The following MYO9B variants were observed in gnomAD, a reference collection of about 807,000 sequenced individuals.
The protein encoded by MYO9B is unconventional myosin-IXb.
Under a neutral mutation model 229.5 loss-of-function variants are expected in MYO9B, and 71 were observed. The ratio of observed to expected loss-of-function variants is 0.31; its 90% CI spans 0.26 to 0.38. The LOEUF (loss-of-function observed/expected upper bound fraction) is 0.38. Ranked by LOEUF, MYO9B falls within the 10% of genes least tolerant of loss-of-function variation. The pLI, the probability that MYO9B is intolerant of heterozygous loss-of-function variation, is 1.00. For missense variants in MYO9B, 2,255 were observed against 2,920.5 expected, an observed-to-expected ratio of 0.77 and a Z score of 5.25; for synonymous variants, 1,185 against 1,235.8, an observed-to-expected ratio of 0.96 and a Z score of 0.86.
Position 17,202,828 on chromosome 19 carries a change from T to C in MYO9B, c.4837-14T>C. The C allele has an allele frequency of 1.3e-6, 2 of 1,586,302 alleles. No homozygotes were observed. Among genetic ancestry groups the C allele is most frequent in the South Asian group, 2.3e-5 (2 of 86,960 alleles). On this transcript the variant is annotated splice_polypyrimidine_tract_variant and intron_variant, in intron 28 of 39. Coordinates refer to ENST00000682292, the MANE Select transcript of MYO9B (RefSeq NM_004145.4). ...GGGGGGCCCCCGCCAACCTCCTCCTTGTGTTCCTCACAGCAGAGCAAAGCT... is the reference window on the plus strand; with the variant it reads ...GGGGGGCCCCCGCCAACCTCCTCCTCGTGTTCCTCACAGCAGAGCAAAGCT...
rs1389080179 is a variant in MYO9B at position 17,200,759 on chromosome 19, G to A, written c.4493G>A (p.Arg1498Gln). Reference protein sequence around the residue: ...IGKITVSEKWRESVFRQITNA... With the variant: ...IGKITVSEKWQESVFRQITNA... ...AAGATCACAGTGTCAGAGAAGTGGC[G>A]GGAATCGGTGTTCCGCCAGATCACC... Residue 1498 changes from arginine to glutamine, a missense_variant, in exon 26 of 40, where the codon CGG becomes CAG. Coordinates refer to ENST00000682292, the MANE Select transcript of MYO9B (RefSeq NM_004145.4). 1.9e-6 allele frequency: 3 copies of A among 1,614,028 alleles called. No homozygotes were observed. The highest frequency in any genetic ancestry group is 2.5e-6 in the Non-Finnish European group (3 of 1,179,890).
Position 17,190,151 on chromosome 19 carries a change from A to G in MYO9B, c.2689-946A>G, listed in dbSNP as rs148976501. On this transcript the variant is annotated intron_variant, in intron 19 of 39. Coordinates refer to ENST00000682292, the MANE Select transcript of MYO9B (RefSeq NM_004145.4). ...CCTAGCACTTTGGGTCACGTGACCC[A>G]TTTACCACTGCACCCAGCTGAGAAC... is the stretch of plus-strand genomic sequence containing the variant. Among the ~76,000 whole-genome samples, 344 of 151,116 alleles carry G rather than the reference A, an allele frequency of 2.3e-3. 1 individual carries two copies. Among genetic ancestry groups the G allele is most frequent in the Non-Finnish European group, 4.0e-3 (273 of 67,880 alleles).
Position 17,203,297 on chromosome 19 carries a change from TC to T in MYO9B, c.4990+44del, listed in dbSNP as rs200101038. Reference sequence around the variant, plus strand: ...CCACCAGGCCCCAAAACCCTCCATGTCCCCCACCACCCCTCACTGCTCAAGA... The same window carrying T: ...CCACCAGGCCCCAAAACCCTCCATGTCCCCACCACCCCTCACTGCTCAAGA... On this transcript the variant is annotated intron_variant, in intron 30 of 39. Transcript: ENST00000682292. The T allele has an allele frequency of 2.3e-3, 3,370 of 1,455,994 alleles. 44 individuals carry two copies. In the African/African-American group the frequency reaches 0.041, roughly 17 times the overall value. The allele number at this position is 1,455,994 out of a possible 1,614,324, so 90.2% of individuals were successfully genotyped here.
intron 30 of MYO9B, among the ~76,000 whole-genome samples, chr19:17,204,342 C>G (rs2073138048): frequency 1.3e-5 from 2 of 149,392 alleles, no homozygotes; most frequent in African/African-American, 4.9e-5. Flanking sequence ...AAGGCCACCT[C>G]CTGGCAGGAC....
chr19:17,146,625 G>A (rs1027418055), intron 3 of MYO9B, among the ~76,000 whole-genome samples: 1 of 152,144 alleles, frequency 6.6e-6, no homozygotes. Flanking sequence ...TTCATAGATG[G>A]ATGAGTAGAT....
chr19:17,142,193 A>G (rs1158731676), intron 2 of MYO9B, among the ~76,000 whole-genome samples: 1 of 151,694 alleles, frequency 6.6e-6, no homozygotes, highest in African/African-American at 2.4e-5. Flanking sequence ...AGAAAAAAGA[A>G]GCGGCAACCA....
At position 17,195,696 on chromosome 19, in the gene MYO9B, G is replaced by A. The variant is rs1014823269; in HGVS notation, c.4046+223G>A. 1.3e-5 allele frequency among the ~76,000 whole-genome samples: 2 copies of A among 152,196 alleles called. No homozygotes were observed. The highest frequency in any genetic ancestry group is 2.9e-5 in the Non-Finnish European group (2 of 68,026). ...CTGGAGCCTTGAGGGGTCCCCAGAAGGAGCTGTGCTCACACAGAAAGGCCC... is the reference window on the plus strand; with the variant it reads ...CTGGAGCCTTGAGGGGTCCCCAGAAAGAGCTGTGCTCACACAGAAAGGCCC... On this transcript the variant is annotated intron_variant, in intron 22 of 39. Transcript: ENST00000682292. This position sits in a 1 kb window ranked among gnomAD's most constrained non-coding sequence, Gnocchi z 4.5.
Position 17,209,529 on chromosome 19 carries a change from C to G in MYO9B, c.5625-57C>G, listed in dbSNP as rs79250831. The stretch of plus-strand genomic sequence containing the variant: ...GGCACCAGCTAGCATCTCCCTGGAC[C>G]TCAGACGTCCCCGGGGCGGTAACTG... On this transcript the variant is annotated intron_variant, in intron 35 of 39. Transcript: ENST00000682292. 2.7e-3 allele frequency: 4,136 copies of G among 1,537,606 alleles called. 79 individuals are homozygous for G. The African/African-American group carries it at 0.051, about 19-fold the overall frequency.
chr19:17,210,506 G>A lies in MYO9B; in HGVS notation c.5796+126G>A, dbSNP rs1334779377. ...TCCTAACCTTCCGGAAGTGCATGCT[G>A]GGGAGGCCCCTTGCCTGCTGACCTT... On this transcript the variant is annotated intron_variant, in intron 37 of 39. Transcript: ENST00000682292. The A allele has an allele frequency of 7.7e-6, 10 of 1,304,790 alleles. No individual in the cohort carries two copies. The South Asian group carries it at 9.3e-5, about 12-fold the overall frequency. The allele number at this position is 1,304,790 out of a possible 1,614,324, so 80.8% of individuals were successfully genotyped here. A position where few individuals can be genotyped will look rare whatever the true frequency, so the allele number is the denominator to read the frequency against.
chr19:17,082,593 G>T (rs906104206), intron 1 of MYO9B, among the ~76,000 whole-genome samples: 1 of 152,106 alleles, frequency 6.6e-6, no homozygotes, highest in Admixed American at 6.6e-5. Context: ...GGGTACTCAC[G>T]TGGGGCTTTA....
intron 11 of MYO9B, among the ~76,000 whole-genome samples, chr19:17,169,830 T>TTC (rs1555700090): frequency 7.1e-6 from 1 of 141,188 alleles, no homozygotes; most frequent in African/African-American, 2.8e-5. Flanking sequence ...TTTTTTTTTT[T>TTC]TGAGACAGGC....
intron 30 of MYO9B, among the ~76,000 whole-genome samples, chr19:17,203,809 G>T (rs116118398): frequency 2.1e-3 from 316 of 152,050 alleles, no homozygotes; most frequent in African/African-American, 7.2e-3. Flanking sequence ...CGTGGGCCCT[G>T]CCTCTCTGTC....
chr19:17,098,798 C>G (rs79059589), intron 1 of MYO9B, among the ~76,000 whole-genome samples: 1,826 of 152,038 alleles, frequency 0.012, 45 homozygotes, highest in African/African-American at 0.04. Flanking sequence ...CAGCATGCAT[C>G]GTGGTGTGCA....
At chr19:17,089,540 C>T (rs543455322) in intron 1 of MYO9B, among the ~76,000 whole-genome samples, 64 of 152,308 alleles carry the variant, frequency 4.2e-4, no homozygotes, top group African/African-American at 1.4e-3. Flanking sequence ...AGGCAGAACC[C>T]TACTTTCTGT....
In MYO9B at chr19:17,162,391, C is replaced by A. The variant is rs368516446; in HGVS notation, c.1461C>A (p.Ser487Arg). 6.3e-7 allele frequency: 1 copy of A among 1,588,528 alleles called. No homozygotes were observed. The highest frequency in any genetic ancestry group is 1.8e-5 in the Admixed American group (1 of 56,338). ...ARDSMAKSLY[S>R]ALFDWIVLRI... ...ACTCCATGGCCAAGTCTCTGTACAG[C>A]GCCCTGTTCGACTGGATTGTGCTGC... Residue 487 changes from serine (S) to arginine (R), a missense_variant, in exon 9 of 40, where the codon AGC becomes AGA. By Grantham distance (110) the Ser-to-Arg change is moderately radical. Coordinates refer to ENST00000682292, the MANE Select transcript of MYO9B (RefSeq NM_004145.4).
Position 17,210,720 on chromosome 19 carries a change from G to C in MYO9B, c.5802G>C (p.Lys1934Asn). 6.5e-7 allele frequency: 1 copy of C among 1,544,542 alleles called. No homozygotes were observed. The highest frequency in any genetic ancestry group is 1.4e-5 in the African/African-American group (1 of 72,810). ...FSSPYEGVLN[K>N]SPKTRDIQEE... ...CCCTTGCTTCTTTGTTTCAGAACAA[G>C]AGCCCCAAGACCCGGGACATCCAGG... The change falls in exon 38 of 40, where the codon AAG becomes AAC. Residue 1934 changes from lysine to asparagine, a missense_variant. Lys to Asn is a moderately conservative substitution (Grantham distance 94). Transcript: ENST00000682292.
At chr19:17,131,194 A>G (rs924837951) in intron 2 of MYO9B, among the ~76,000 whole-genome samples, 2 of 152,206 alleles carry the variant, frequency 1.3e-5, no homozygotes, top group African/African-American at 4.8e-5. Flanking sequence ...TTTGAGCCCA[A>G]TCATTCTCCC....
At position 17,194,941 on chromosome 19, in the gene MYO9B, G is replaced by A; in HGVS notation, c.3514G>A (p.Glu1172Lys). The A allele has an allele frequency of 6.2e-7, 1 of 1,613,440 alleles. No individual in the cohort carries two copies. Among genetic ancestry groups the A allele is most frequent in the Non-Finnish European group, 8.5e-7 (1 of 1,179,888 alleles). ...CAAACACATCCAGTCCTGCAAGGAG[G>A]AGAGTGCCCTCAGAGAACCTTCCAG... ...QNKHIQSCKE[E>K]SALREPSRRV... Residue 1172 changes from glutamate to lysine, a missense_variant, in exon 22 of 40, where the codon GAG (glutamate) becomes AAG (lysine). Physicochemically the swap from Glu to Lys is moderately conservative, Grantham distance 56. Around this residue, in one of 7 missense-constraint regions of MYO9B, gnomAD observed 679 missense variants for 770.2 expected, o/e 0.88. Transcript: ENST00000682292.
intron 8 of MYO9B, among the ~76,000 whole-genome samples, 196 bp from the exon 9 acceptor site, chr19:17,162,154 A>T (rs1374578749): frequency 6.6e-6 from 1 of 152,034 alleles, no homozygotes; most frequent in Non-Finnish European, 1.5e-5. Context: ...AAAATACAAA[A>T]ATTAGCCAGG....
Sources: gnomAD v4.1 joint callset for allele counts (sites outside exome capture counted in the v4.1 genomes callset) on GRCh38, gnomAD v4.1.1 for gene constraint, gnomAD v4.1.1 regional missense constraint, Gnocchi (gnomAD v3.1) non-coding constraint, MANE v1.5 for transcripts, NCBI Gene and HGNC (gene_info 2026-07-23, HGNC 2026-07-21) for gene names.